The following ARHGEF28 variants were observed in gnomAD, a reference collection of about 807,000 sequenced individuals.
The protein encoded by ARHGEF28 is Rho guanine nucleotide exchange factor 28.
In ARHGEF28, 152 loss-of-function variants were observed where a neutral mutation model predicts 206.6. The observed-to-expected ratio is 0.74, with a 90% CI of 0.64 to 0.84. The LOEUF (loss-of-function observed/expected upper bound fraction) is 0.84. Ranked by LOEUF, ARHGEF28 falls within the 40% of genes least tolerant of loss-of-function variation. The pLI is 0.00. For missense variants in ARHGEF28, 2,028 were observed against 2,073.2 expected, an observed-to-expected ratio of 0.98 and a Z score of 0.42; for synonymous variants, 763 against 776.4, an observed-to-expected ratio of 0.98 and a Z score of 0.29.
chr5:73,720,729 G>A (rs1036733070), intron 2 of ARHGEF28, among the ~76,000 whole-genome samples: 3 of 152,186 alleles, frequency 2.0e-5, no homozygotes, highest in African/African-American at 7.2e-5. Flanking sequence ...TTCTAGCCTT[G>A]TTTATTGTTC....
At chr5:73,883,919 T>G in intron 24 of ARHGEF28, 35 bp downstream of exon 24, 1 of 1,372,752 alleles carries the variant, frequency 7.3e-7, no homozygotes, top group Non-Finnish European at 9.8e-7. Context: ...AATTTGCCCC[T>G]CTTATTAGTT....
intron 29 of ARHGEF28, among the ~76,000 whole-genome samples, chr5:73,895,814 C>T (rs1367820587): frequency 6.6e-6 from 1 of 152,168 alleles, no homozygotes; most frequent in Non-Finnish European, 1.5e-5. Flanking sequence ...TTAACTGGCT[C>T]TTTGCAGAAA....
At chr5:73,754,680 G>A (rs556308737) in intron 4 of ARHGEF28, among the ~76,000 whole-genome samples, 7 of 151,884 alleles carry the variant, frequency 4.6e-5, no homozygotes, top group Non-Finnish European at 7.4e-5. Context: ...TTTCTACAAT[G>A]AGTCATAGTA....
At chr5:73,682,918 G>A (rs1469324087) in intron 1 of ARHGEF28, among the ~76,000 whole-genome samples, 3 of 152,274 alleles carry the variant, frequency 2.0e-5, no homozygotes, top group East Asian at 3.9e-4. Context: ...CAAGGGTGCA[G>A]GGACAAGTGA....
chr5:73,628,009 T>G (rs1004901888), intron 1 of ARHGEF28, among the ~76,000 whole-genome samples: 37 of 151,256 alleles, frequency 2.4e-4, no homozygotes, highest in African/African-American at 8.6e-4. Context: ...TTATAAACAC[T>G]TAAAGGTAAA....
chr5:73,675,218 C>T (rs965269283), intron 1 of ARHGEF28, among the ~76,000 whole-genome samples: 1 of 152,160 alleles, frequency 6.6e-6, no homozygotes, highest in Non-Finnish European at 1.5e-5. Flanking sequence ...GTGTCTGCTG[C>T]AGAATTGCTT....
At chr5:73,919,515 A>G (rs1156722830) in intron 35 of ARHGEF28, among the ~76,000 whole-genome samples, 1 of 152,222 alleles carries the variant, frequency 6.6e-6, no homozygotes, top group Admixed American at 6.5e-5. Context: ...ATACTCTGAC[A>G]ACATGACTGA....
chr5:73,664,525 A>G (rs1487922350), intron 1 of ARHGEF28, among the ~76,000 whole-genome samples: 1 of 152,160 alleles, frequency 6.6e-6, no homozygotes, highest in East Asian at 1.9e-4. Flanking sequence ...TAGTAGGTAT[A>G]ATATATGGTT....
intron 2 of ARHGEF28, among the ~76,000 whole-genome samples, chr5:73,703,118 A>G (rs1748698031): frequency 6.6e-6 from 1 of 152,208 alleles, no homozygotes; most frequent in Non-Finnish European, 1.5e-5. Flanking sequence ...GGTTATCTCT[A>G]TTTTAATGTC....
At chr5:73,788,949 A>G (rs1754311124) in intron 7 of ARHGEF28, among the ~76,000 whole-genome samples, 1 of 152,198 alleles carries the variant, frequency 6.6e-6, no homozygotes, top group African/African-American at 2.4e-5. Flanking sequence ...CAGGAGATGT[A>G]AAAATCTGTA....
chr5:73,828,611 CCTTT>C (rs1376223940), intron 9 of ARHGEF28, among the ~76,000 whole-genome samples: 1 of 151,352 alleles, frequency 6.6e-6, no homozygotes, highest in Non-Finnish European at 1.5e-5. Context: ...TTTCTCCTTT[CCTTT>C]CTTTTTTCCT....
rs1005750690 is a variant in ARHGEF28, at chr5:73,900,986, G to A, written c.3974-198G>A. 5 of 497,928 alleles carry A rather than the reference G, an allele frequency of 1.0e-5. No individual in the cohort carries two copies. The East Asian group carries it at 1.1e-4, about 11-fold the overall frequency. The allele number at this position is 497,928 out of a possible 1,614,324, so 30.8% of individuals were successfully genotyped here. A position where few individuals can be genotyped will look rare whatever the true frequency, so the allele number is the denominator to read the frequency against. On this transcript the variant is annotated intron_variant, in intron 30 of 35. Transcript: ENST00000513042. ...GGTTCGTCAGTTGCTGTCTGTTAGC[G>A]TGTAAGCCCCATGTGGGCAGGGACC...
intron 9 of ARHGEF28, among the ~76,000 whole-genome samples, chr5:73,805,488 A>G (rs1032936178): frequency 2.0e-5 from 3 of 152,222 alleles, no homozygotes; most frequent in Non-Finnish European, 4.4e-5. Flanking sequence ...GGCAAAAGAA[A>G]CTACAATAAC....
chr5:73,892,327 C>T, intron 27 of ARHGEF28, 97 bp downstream of exon 27: 1 of 1,398,808 alleles, frequency 7.1e-7, no homozygotes, highest in Non-Finnish European at 9.7e-7. Flanking sequence ...TTGCCTCTGC[C>T]AGAATGGTCT....
At chr5:73,921,293 T>C (rs908083295) in intron 35 of ARHGEF28, among the ~76,000 whole-genome samples, 3 of 152,220 alleles carry the variant, frequency 2.0e-5, no homozygotes, top group African/African-American at 7.2e-5. Flanking sequence ...CATACTTGTG[T>C]TCTTAGTGGG....
At chr5:73,905,707 G>A (rs1762513554) in intron 33 of ARHGEF28, among the ~76,000 whole-genome samples, 1 of 151,970 alleles carries the variant, frequency 6.6e-6, no homozygotes, top group South Asian at 2.1e-4. Context: ...ATCCCTTATT[G>A]TTTACACTTT....
intron 2 of ARHGEF28, among the ~76,000 whole-genome samples, chr5:73,704,484 G>T (rs1748809699): frequency 6.6e-6 from 1 of 152,064 alleles, no homozygotes; most frequent in Non-Finnish European, 1.5e-5. Context: ...GAGTGCAGTG[G>T]AGCGACCTTG....
Position 73,671,841 on chromosome 5 carries a change from C to T in ARHGEF28, c.-11-13000C>T, listed in dbSNP as rs1249039614. ...CGCGATCTCAGCTCACTGCAACCTCCGCCTCCCGGTTTCAAGCGATTCTCC... is the reference window on the plus strand; with the variant it reads ...CGCGATCTCAGCTCACTGCAACCTCTGCCTCCCGGTTTCAAGCGATTCTCC... On this transcript the variant is annotated intron_variant, in intron 1 of 35. Coordinates refer to ENST00000513042, the MANE Select transcript of ARHGEF28 (RefSeq NM_001177693.2). Among the ~76,000 whole-genome samples the T allele has an allele frequency of 4.1e-5, 6 of 146,414 alleles. 1 individual carries two copies. The highest frequency in any genetic ancestry group is 7.5e-5 in the Non-Finnish European group (5 of 67,012).
At position 73,868,245 on chromosome 5, in the gene ARHGEF28, T is replaced by A; in HGVS notation, c.2425+18T>A. Reference sequence around the variant, plus strand: ...AATGGAAGGTGAGGAGAAGACACACTTCCATTTATTTGTGTTTTTGTTAGC... The same window carrying A: ...AATGGAAGGTGAGGAGAAGACACACATCCATTTATTTGTGTTTTTGTTAGC... On this transcript the variant is annotated intron_variant, in intron 20 of 35. Coordinates refer to ENST00000513042, the MANE Select transcript of ARHGEF28 (RefSeq NM_001177693.2). 1.3e-6 allele frequency: 2 copies of A among 1,546,946 alleles called. No homozygotes were observed. The highest frequency in any genetic ancestry group is 1.2e-5 in the South Asian group (1 of 83,138).
Sources: allele counts gnomAD v4.1 joint callset (sites outside exome capture counted in the v4.1 genomes callset), GRCh38; gene constraint gnomAD v4.1.1; transcripts MANE v1.5; gene names NCBI Gene and HGNC (gene_info 2026-07-23, HGNC 2026-07-21).